Variants in ASAP2 observed in about 807,000 individuals in gnomAD.
The protein encoded by ASAP2 is ArfGAP with SH3 domain, ankyrin repeat and PH domain 2, also known as arf-GAP with SH3 domain, ANK repeat and PH domain-containing protein 2.
In ASAP2, 45 loss-of-function variants were observed where a neutral mutation model predicts 131.4. The ratio of observed to expected loss-of-function variants is 0.34; its 90% CI spans 0.27 to 0.44. The LOEUF is 0.44. ASAP2 is among the 20% of genes least tolerant of loss of function. ASAP2 has a pLI of 1.00. For missense variants in ASAP2, 1,011 were observed against 1,297.0 expected, an observed-to-expected ratio of 0.78 and a Z score of 3.39; for synonymous variants, 510 against 503.0, an observed-to-expected ratio of 1.01 and a Z score of -0.19.
At chr2:9,381,757 G>C (rs558393106) in intron 20 of ASAP2, among the ~76,000 whole-genome samples, 2 of 152,210 alleles carry the variant, frequency 1.3e-5, no homozygotes, top group East Asian at 3.9e-4. Flanking sequence ...TTTCGAATTA[G>C]CTGGGTGTGG....
At position 9,374,744 on chromosome 2, in the gene ASAP2, T is replaced by C. The variant is rs374920804; in HGVS notation, c.1557-11T>C. 5 of 1,583,146 alleles carry C rather than the reference T, an allele frequency of 3.2e-6. No individual in the cohort carries two copies. In the African/African-American group the frequency reaches 4.1e-5, roughly 13 times the overall value. The stretch of plus-strand genomic sequence containing the variant: ...CTTCATGATTTGCAAGGCAATTACG[T>C]TTGGTTTCAGGAATGCAAGAAAGGA... On this transcript the variant is annotated splice_polypyrimidine_tract_variant and intron_variant, in intron 16 of 27. Transcript: ENST00000281419.
chr2:9,229,475 G>A (rs915333046), intron 1 of ASAP2, among the ~76,000 whole-genome samples: 2 of 152,218 alleles, frequency 1.3e-5, no homozygotes, highest in African/African-American at 4.8e-5. Context: ...AGCTACAAAG[G>A]AGACAGGAGA....
intron 2 of ASAP2, among the ~76,000 whole-genome samples, chr2:9,294,510 C>T (rs531708098): frequency 6.6e-6 from 1 of 152,296 alleles, no homozygotes; most frequent in East Asian, 1.9e-4. Flanking sequence ...CACCGATCCT[C>T]CTACCAACTC....
At chr2:9,374,520 C>T (rs912211606) in intron 16 of ASAP2, among the ~76,000 whole-genome samples, 1 of 152,122 alleles carries the variant, frequency 6.6e-6, no homozygotes. Flanking sequence ...GGCAGAGAGG[C>T]GGGTGGGCTG....
chr2:9,210,804 G>A (rs555508203), intron 1 of ASAP2, among the ~76,000 whole-genome samples: 4 of 151,782 alleles, frequency 2.6e-5, no homozygotes, highest in South Asian at 2.1e-4. Context: ...CTTGTGATCC[G>A]CCCGCCTTGG....
chr2:9,240,245 A>ATTTT (rs34070129), intron 1 of ASAP2, among the ~76,000 whole-genome samples: 39 of 127,068 alleles, frequency 3.1e-4, no homozygotes, highest in African/African-American at 7.3e-4. Flanking sequence ...TCCTCCCATA[A>ATTTT]TTTTTTTTTT....
At chr2:9,285,196 C>T (rs1317449871) in intron 2 of ASAP2, among the ~76,000 whole-genome samples, 1 of 152,136 alleles carries the variant, frequency 6.6e-6, no homozygotes, top group African/African-American at 2.4e-5. Context: ...TGGTTATAAA[C>T]TGGAGAGAGT....
intron 2 of ASAP2, among the ~76,000 whole-genome samples, chr2:9,287,567 A>G (rs547737796): frequency 6.6e-6 from 1 of 152,300 alleles, no homozygotes; most frequent in Non-Finnish European, 1.5e-5. Flanking sequence ...GTTCCTCTCT[A>G]GAGGAGGCTT....
chr2:9,248,041 G>A (rs1664453234), intron 1 of ASAP2, among the ~76,000 whole-genome samples: 1 of 152,238 alleles, frequency 6.6e-6, no homozygotes, highest in East Asian at 1.9e-4. Context: ...AAAGGCCTTG[G>A]AGCTCAGCTG....
At chr2:9,378,881 G>A (rs1674608972) in intron 18 of ASAP2, 63 bp from the exon 19 acceptor site, 2 of 1,206,626 alleles carry the variant, frequency 1.7e-6, no homozygotes, top group East Asian at 5.9e-5. Flanking sequence ...TCCCTGCCGG[G>A]CAGTCCCTGG....
rs1302370500 is a variant in ASAP2, at chr2:9,207,622, C to T, written c.126+392C>T. 2.0e-5 allele frequency among the ~76,000 whole-genome samples: 3 copies of T among 151,950 alleles called. No individual in the cohort carries two copies. The highest frequency in any genetic ancestry group is 4.4e-5 in the Non-Finnish European group (3 of 67,878). On this transcript the variant is annotated intron_variant, in intron 1 of 27. Transcript: ENST00000281419. The surrounding 1 kb of genome is among the most constrained non-coding windows in gnomAD (Gnocchi z 4.1). ...CTTATCAACTTGTTCTTGAAGTGGA[C>T]CGGCGGGGGCAGCTCCGCGCTCCGA...
intron 1 of ASAP2, among the ~76,000 whole-genome samples, chr2:9,272,005 T>C (rs1224300242): frequency 6.6e-6 from 1 of 152,162 alleles, no homozygotes; most frequent in Admixed American, 6.5e-5. Flanking sequence ...TTGTGAACAG[T>C]GCTGCAGTAA....
chr2:9,396,596 A>T (rs920627570), intron 24 of ASAP2, among the ~76,000 whole-genome samples: 10 of 152,186 alleles, frequency 6.6e-5, no homozygotes, highest in African/African-American at 2.4e-4. Flanking sequence ...TTTAATTTTT[A>T]AAAATCCTTT....
intron 15 of ASAP2, among the ~76,000 whole-genome samples, chr2:9,359,888 C>A (rs1672972898): frequency 6.6e-6 from 1 of 152,228 alleles, no homozygotes; most frequent in African/African-American, 2.4e-5. Flanking sequence ...TAGTTAGTAA[C>A]ATCCTTAGTT....
At chr2:9,221,298 A>T (rs1202453141) in intron 1 of ASAP2, among the ~76,000 whole-genome samples, 1 of 150,740 alleles carries the variant, frequency 6.6e-6, no homozygotes, top group Non-Finnish European at 1.5e-5. Flanking sequence ...TGAACTTGGA[A>T]GTTTTTTTCA....
At chr2:9,228,266 A>G (rs1305937310) in intron 1 of ASAP2, among the ~76,000 whole-genome samples, 3 of 152,192 alleles carry the variant, frequency 2.0e-5, no homozygotes, top group Non-Finnish European at 4.4e-5. Flanking sequence ...ATCTTCCTTC[A>G]GTGTTAAAAA....
intron 2 of ASAP2, among the ~76,000 whole-genome samples, chr2:9,287,492 G>A (rs1414857863): frequency 6.6e-6 from 1 of 152,208 alleles, no homozygotes; most frequent in African/African-American, 2.4e-5. Flanking sequence ...TCCTGGTTTC[G>A]GAAGGGGCAG....
At position 9,336,278 on chromosome 2, in the gene ASAP2, A is replaced by T. The variant is rs573076741; in HGVS notation, c.849+1099A>T. 9.2e-5 allele frequency among the ~76,000 whole-genome samples: 14 copies of T among 152,192 alleles called. No individual in the cohort carries two copies. The East Asian group carries it at 2.7e-3, about 29-fold the overall frequency. The stretch of plus-strand genomic sequence containing the variant: ...TGCTGCTGTTCCTTTATGAAGATGA[A>T]GCAGGTCCCTCCCTCCCTCCCTTTC... On this transcript the variant is annotated intron_variant, in intron 9 of 27. Transcript: ENST00000281419.
chr2:9,241,959 G>A (rs1201240849), intron 1 of ASAP2, among the ~76,000 whole-genome samples: 1 of 151,378 alleles, frequency 6.6e-6, no homozygotes, highest in Non-Finnish European at 1.5e-5. Context: ...GTTATCAGGC[G>A]GACACATGTG....
Sources: gnomAD v4.1 joint callset for allele counts (sites outside exome capture counted in the v4.1 genomes callset) on GRCh38, gnomAD v4.1.1 for gene constraint, Gnocchi (gnomAD v3.1) non-coding constraint, MANE v1.5 for transcripts, NCBI Gene and HGNC (gene_info 2026-07-23, HGNC 2026-07-21) for gene names.